The following SAMTOR variants were observed in gnomAD, a reference collection of about 807,000 sequenced individuals.
SAMTOR encodes UPF0532 protein C7orf60.
chr7:112,895,253 T>C, the SAMTOR span, among the ~76,000 whole-genome samples: 1 of 151,166 alleles, frequency 6.6e-6, no homozygotes, highest in African/African-American at 2.4e-5. Context: ...ATATGTTATA[T>C]ACACACATAT....
chr7:112,879,284 G>A, the SAMTOR span, among the ~76,000 whole-genome samples: 33 of 151,514 alleles, frequency 2.2e-4, no homozygotes, highest in African/African-American at 8.0e-4. Flanking sequence ...AGCTATAAGA[G>A]TTAATCAAGC....
chr7:112,927,006 GC>G, the SAMTOR span, among the ~76,000 whole-genome samples: 1 of 151,894 alleles, frequency 6.6e-6, no homozygotes, highest in Non-Finnish European at 1.5e-5. Flanking sequence ...ACCTCTGAAA[GC>G]TTAAGGTAAT....
chr7:112,920,115 C>T, the SAMTOR span, among the ~76,000 whole-genome samples: 1 of 152,190 alleles, frequency 6.6e-6, no homozygotes. Context: ...CAGCATCATC[C>T]TGATACCAAA....
chr7:112,841,716 G>C, the SAMTOR span, among the ~76,000 whole-genome samples: 1 of 152,048 alleles, frequency 6.6e-6, no homozygotes, highest in Non-Finnish European at 1.5e-5. Context: ...CATGGTAGTG[G>C]TACCAAAACA....
the SAMTOR span, among the ~76,000 whole-genome samples, chr7:112,826,101 T>G: frequency 5.3e-5 from 8 of 152,270 alleles, no homozygotes; most frequent in East Asian, 1.5e-3. Flanking sequence ...AACATCTGTA[T>G]CTATATTCAT....
the SAMTOR span, among the ~76,000 whole-genome samples, chr7:112,891,796 C>T: frequency 7.9e-5 from 12 of 152,212 alleles, no homozygotes; most frequent in African/African-American, 2.9e-4. Flanking sequence ...ATCATTTGAG[C>T]CTCCAGCAAG....
At chr7:112,896,666 G>A in the SAMTOR span, among the ~76,000 whole-genome samples, 1 of 152,142 alleles carries the variant, frequency 6.6e-6, no homozygotes, top group Admixed American at 6.5e-5. Context: ...ATTGCAGAAG[G>A]CATAGTTGTT....
chr7:112,849,023 T>C, the SAMTOR span, among the ~76,000 whole-genome samples: 1 of 147,772 alleles, frequency 6.8e-6, no homozygotes, highest in Non-Finnish European at 1.5e-5. Flanking sequence ...CACTCCAGCC[T>C]GGGTGACAGA....
chr7:112,886,277 G>GT, the SAMTOR span, among the ~76,000 whole-genome samples: 2 of 152,160 alleles, frequency 1.3e-5, no homozygotes, highest in Admixed American at 6.5e-5. Context: ...ATTCCATCAT[G>GT]TTAATAAAGA....
the SAMTOR span, among the ~76,000 whole-genome samples, chr7:112,892,651 G>C: frequency 6.6e-6 from 1 of 151,902 alleles, no homozygotes; most frequent in Non-Finnish European, 1.5e-5. Context: ...GCATGCTTGT[G>C]GTGCCAGCTA....
chr7:112,825,887 A>G, the SAMTOR span, among the ~76,000 whole-genome samples: 4 of 150,878 alleles, frequency 2.7e-5, no homozygotes, highest in African/African-American at 9.8e-5. Flanking sequence ...GAAAGTCCAG[A>G]TGTTGAATTT....
At chr7:112,902,439 C>CAAAAAAAAAAAAAAAAAAAAAAA in the SAMTOR span, among the ~76,000 whole-genome samples, 1 of 81,460 alleles carries the variant, frequency 1.2e-5, no homozygotes. Flanking sequence ...CAAAAAAAAA[C>CAAAAAAAAAAAAAAAAAAAAAAA]AAAAAAAAAC....
At chr7:112,855,663 T>G in the SAMTOR span, among the ~76,000 whole-genome samples, 1 of 152,164 alleles carries the variant, frequency 6.6e-6, no homozygotes, top group African/African-American at 2.4e-5. Flanking sequence ...CCTTCTTATG[T>G]TTCAAATCTC....
the SAMTOR span, among the ~76,000 whole-genome samples, chr7:112,893,535 G>C: frequency 6.6e-6 from 1 of 152,142 alleles, no homozygotes; most frequent in Non-Finnish European, 1.5e-5. Context: ...TGCTGTGGTT[G>C]GTTTCATCTT....
At chr7:112,866,572 G>A in the SAMTOR span, among the ~76,000 whole-genome samples, 2 of 152,338 alleles carry the variant, frequency 1.3e-5, no homozygotes, top group South Asian at 2.1e-4. Flanking sequence ...CCACCTGCCT[G>A]CGGCTACACA....
the SAMTOR span, chr7:112,895,711 C>T: frequency 6.4e-7 from 1 of 1,565,254 alleles, no homozygotes; most frequent in Non-Finnish European, 8.7e-7. Flanking sequence ...TTTCTCTTCC[C>T]ACCATTTTGG....
At chr7:112,914,193 A>G in the SAMTOR span, among the ~76,000 whole-genome samples, 2 of 152,018 alleles carry the variant, frequency 1.3e-5, no homozygotes, top group Admixed American at 1.3e-4. Flanking sequence ...GAAAATGTAA[A>G]CCAGAAGTTA....
the SAMTOR span, among the ~76,000 whole-genome samples, chr7:112,844,274 G>A: frequency 6.6e-6 from 1 of 152,078 alleles, no homozygotes; most frequent in Admixed American, 6.6e-5. Flanking sequence ...GTCCTGTCCA[G>A]AGCAATCGGA....
the SAMTOR span, chr7:112,819,606 T>C: frequency 1.3e-5 from 2 of 152,490 alleles, no homozygotes; most frequent in Admixed American, 1.3e-4. Context: ...ATGATATAAA[T>C]TCAAACAAAT....
Sources: gnomAD v4.1 joint callset for allele counts (sites outside exome capture counted in the v4.1 genomes callset) on GRCh38, gnomAD v4.1.1 for gene constraint, MANE v1.5 for transcripts, NCBI Gene and HGNC (gene_info 2026-07-23, HGNC 2026-07-21) for gene names.